Variants in LRRC4C observed in about 807,000 individuals in gnomAD.
The protein encoded by LRRC4C is leucine rich repeat containing 4C.
LRRC4C carries 5 observed loss-of-function variants against 33.6 expected under a neutral mutation model. That is an observed-to-expected ratio of 0.15 (90% CI 0.08 to 0.31). The LOEUF is 0.31. Among genes scored for constraint, LRRC4C ranks in the 10% least tolerant of loss-of-function variants. The pLI is 1.00. For missense variants in LRRC4C, 560 were observed against 796.7 expected (o/e 0.70, Z 3.58); for synonymous variants, 329 against 302.0 (o/e 1.09, Z -0.93).
chr11:40,828,562 C>T (rs1952268204), intron 2 of LRRC4C, among the ~76,000 whole-genome samples: 1 of 151,806 alleles, frequency 6.6e-6, no homozygotes, highest in Admixed American at 6.6e-5. Flanking sequence ...AGGTTTTTAG[C>T]ATTAAGTGAT....
chr11:41,208,709 G>C (rs1946698246), intron 1 of LRRC4C, among the ~76,000 whole-genome samples: 1 of 152,170 alleles, frequency 6.6e-6, no homozygotes, highest in Non-Finnish European at 1.5e-5. Context: ...ATAGAAGAAT[G>C]GTCCCAAAGA....
chr11:40,522,931 A>C (rs1344282530), intron 3 of LRRC4C, among the ~76,000 whole-genome samples: 1 of 152,114 alleles, frequency 6.6e-6, no homozygotes, highest in Non-Finnish European at 1.5e-5. Flanking sequence ...TATATTTTAC[A>C]TTTTGTTTAT....
At chr11:40,233,827 G>C (rs1304107348) in intron 5 of LRRC4C, among the ~76,000 whole-genome samples, 1 of 152,048 alleles carries the variant, frequency 6.6e-6, no homozygotes, top group Non-Finnish European at 1.5e-5. Context: ...ATGTTCACTT[G>C]GTCTGAAGAT....
chr11:41,370,262 C>T (rs866539756), intron 1 of LRRC4C, among the ~76,000 whole-genome samples: 18 of 152,134 alleles, frequency 1.2e-4, no homozygotes, highest in African/African-American at 4.3e-4. Context: ...CAGCTCACTG[C>T]AACCTCTACC....
chr11:40,329,404 C>G (rs577677736), intron 3 of LRRC4C, among the ~76,000 whole-genome samples: 1 of 152,190 alleles, frequency 6.6e-6, no homozygotes, highest in African/African-American at 2.4e-5. Context: ...TGGAAACATG[C>G]CACGTGAGTC....
At chr11:40,937,848 G>A (rs965295088) in intron 1 of LRRC4C, among the ~76,000 whole-genome samples, 2 of 151,940 alleles carry the variant, frequency 1.3e-5, no homozygotes, top group Non-Finnish European at 2.9e-5. Context: ...TGTAGAGACA[G>A]GGTCTCCCAT....
At chr11:40,169,066 A>G (rs1590601506) in intron 5 of LRRC4C, among the ~76,000 whole-genome samples, 1 of 152,194 alleles carries the variant, frequency 6.6e-6, no homozygotes, top group East Asian at 1.9e-4. Flanking sequence ...ATTTTAACTC[A>G]TGATTGCTTT....
chr11:41,221,210 C>A (rs1947290625), intron 1 of LRRC4C, among the ~76,000 whole-genome samples: 1 of 149,796 alleles, frequency 6.7e-6, no homozygotes. Context: ...TTACAAAAAA[C>A]AACCTCATAA....
intron 3 of LRRC4C, among the ~76,000 whole-genome samples, chr11:40,540,358 G>T (rs1956655823): frequency 6.6e-6 from 1 of 152,162 alleles, no homozygotes. Flanking sequence ...TAAACTGTCA[G>T]GTCTGTCTGT....
At chr11:40,494,241 C>T (rs1214668988) in intron 3 of LRRC4C, among the ~76,000 whole-genome samples, 1 of 152,032 alleles carries the variant, frequency 6.6e-6, no homozygotes, top group Non-Finnish European at 1.5e-5. Context: ...ATTGAGCGTG[C>T]CGTCTGTTTT....
intron 5 of LRRC4C, among the ~76,000 whole-genome samples, chr11:40,234,158 A>G (rs1865394592): frequency 1.3e-5 from 2 of 152,224 alleles, no homozygotes; most frequent in Non-Finnish European, 2.9e-5. Flanking sequence ...AGGGTCCCCA[A>G]AGAACATACT....
intron 2 of LRRC4C, among the ~76,000 whole-genome samples, chr11:40,736,476 G>A (rs573985904): frequency 6.6e-6 from 1 of 151,998 alleles, no homozygotes; most frequent in South Asian, 2.1e-4. Context: ...ATAAACATAC[G>A]TGTGCATGTG....
intron 3 of LRRC4C, among the ~76,000 whole-genome samples, chr11:40,521,089 TAGG>T (rs1393393841): frequency 1.3e-5 from 2 of 152,138 alleles, no homozygotes; most frequent in African/African-American, 4.8e-5. Context: ...TTGTGAAATG[TAGG>T]AGAAATTATT....
chr11:40,931,183 AT>A (rs1422011962), intron 2 of LRRC4C, among the ~76,000 whole-genome samples: 1 of 152,158 alleles, frequency 6.6e-6, no homozygotes. Context: ...CAAGAATCCA[AT>A]TTTGAGTTTG....
chr11:40,661,466 T>G (rs1943429754), intron 2 of LRRC4C, among the ~76,000 whole-genome samples: 1 of 152,210 alleles, frequency 6.6e-6, no homozygotes, highest in Non-Finnish European at 1.5e-5. Flanking sequence ...TAAATTATTA[T>G]TTCCTTGGGA....
At chr11:40,437,672 G>A (rs1951201341) in intron 3 of LRRC4C, among the ~76,000 whole-genome samples, 1 of 151,564 alleles carries the variant, frequency 6.6e-6, no homozygotes, top group African/African-American at 2.4e-5. Flanking sequence ...GGGATTACAG[G>A]TGTGAGCCAC....
At chr11:40,566,951 C>A (rs1442029595) in intron 3 of LRRC4C, among the ~76,000 whole-genome samples, 1 of 152,022 alleles carries the variant, frequency 6.6e-6, no homozygotes, top group Non-Finnish European at 1.5e-5. Flanking sequence ...GATCTTAGGT[C>A]ATTTATACTA....
intron 1 of LRRC4C, among the ~76,000 whole-genome samples, chr11:41,300,364 T>A (rs12273192): frequency 2.6e-5 from 4 of 151,996 alleles, no homozygotes; most frequent in Non-Finnish European, 4.4e-5. Flanking sequence ...TTTATTTGAC[T>A]TCCTTTCCTG....
chr11:41,445,320 G>A (rs183237879), intron 1 of LRRC4C, among the ~76,000 whole-genome samples: 5 of 152,052 alleles, frequency 3.3e-5, no homozygotes, highest in South Asian at 2.1e-4. Context: ...TATTTCTCTC[G>A]CATTTTAATT....
Sources: gnomAD v4.1 joint callset for allele counts (sites outside exome capture counted in the v4.1 genomes callset) on GRCh38, gnomAD v4.1.1 for gene constraint, MANE v1.5 for transcripts, NCBI Gene and HGNC (gene_info 2026-07-23, HGNC 2026-07-21) for gene names.